DAD1: variants seen among roughly 807,000 people sequenced by gnomAD.
DAD1 encodes the protein dolichyl-diphosphooligosaccharide--protein glycosyltransferase subunit DAD1.
In DAD1, 4 loss-of-function variants were observed where a neutral mutation model predicts 9.0. That is an observed-to-expected ratio of 0.44 (90% CI 0.22 to 1.01). The LOEUF is 1.01. DAD1 is among the 50% of genes least tolerant of loss of function. DAD1 has a pLI of 0.24. For synonymous variants in DAD1, 60 were observed against 62.5 expected, an observed-to-expected ratio of 0.96 and a Z score of 0.19; for missense variants, 119 against 137.3, an observed-to-expected ratio of 0.87 and a Z score of 0.67.
At chr14:22,570,598 G>A (rs1003641696) in intron 2 of DAD1, among the ~76,000 whole-genome samples, 1 of 152,090 alleles carries the variant, frequency 6.6e-6, no homozygotes, top group African/African-American at 2.4e-5. Flanking sequence ...ATAACATCAA[G>A]TTCCCCTTCC....
intron 1 of DAD1, among the ~76,000 whole-genome samples, chr14:22,579,723 A>C (rs1409125614): frequency 6.6e-6 from 1 of 152,234 alleles, no homozygotes; most frequent in Admixed American, 6.5e-5. Context: ...CAAGGGGATT[A>C]AACTATACAA....
chr14:22,573,453 C>T (rs2037054798), intron 2 of DAD1, among the ~76,000 whole-genome samples: 1 of 152,036 alleles, frequency 6.6e-6, no homozygotes, highest in African/African-American at 2.4e-5. Flanking sequence ...CAAAGTGGTT[C>T]TTAAAAGTTT....
At chr14:22,567,214 TAG>T (rs1339889963) in intron 2 of DAD1, 1 of 152,238 alleles carries the variant, frequency 6.6e-6, no homozygotes, top group Non-Finnish European at 1.5e-5. Context: ...AATGACGCTG[TAG>T]AGATAGAAAA....
chr14:22,586,634 C>G (rs1258952105), intron 1 of DAD1, among the ~76,000 whole-genome samples: 1 of 152,214 alleles, frequency 6.6e-6, no homozygotes, highest in African/African-American at 2.4e-5. Context: ...ATTTCCCTCT[C>G]CCAGCTCACT....
chr14:22,568,336 T>C (rs1460175078), intron 2 of DAD1, among the ~76,000 whole-genome samples: 1 of 152,262 alleles, frequency 6.6e-6, no homozygotes, highest in Non-Finnish European at 1.5e-5. Flanking sequence ...GAAGACATTT[T>C]ACAAATGTTT....
At chr14:22,584,799 G>A (rs1354937108) in intron 1 of DAD1, among the ~76,000 whole-genome samples, 1 of 152,214 alleles carries the variant, frequency 6.6e-6, no homozygotes, top group Non-Finnish European at 1.5e-5. Flanking sequence ...ATTTTACTTT[G>A]GGAAACACAA....
intron 2 of DAD1, among the ~76,000 whole-genome samples, chr14:22,568,550 G>C (rs1028973433): frequency 1.4e-4 from 22 of 152,350 alleles, no homozygotes; most frequent in African/African-American, 4.3e-4. Context: ...GAATCATGCT[G>C]AGAGGCATTA....
chr14:22,572,551 C>T (rs760351634), intron 2 of DAD1, among the ~76,000 whole-genome samples: 4 of 152,120 alleles, frequency 2.6e-5, no homozygotes, highest in Non-Finnish European at 5.9e-5. Context: ...GCTTTGGGCC[C>T]ATAATTCCCA....
intron 2 of DAD1, among the ~76,000 whole-genome samples, chr14:22,565,998 C>T (rs1038781636): frequency 3.9e-5 from 6 of 152,080 alleles, no homozygotes; most frequent in Admixed American, 3.9e-4. Flanking sequence ...CCGGGCTGCC[C>T]CAGGAGGAAA....
chr14:22,587,363 T>G (rs557758365), intron 1 of DAD1, among the ~76,000 whole-genome samples: 2 of 152,206 alleles, frequency 1.3e-5, no homozygotes, highest in African/African-American at 2.4e-5. Flanking sequence ...CAAACAAAAT[T>G]AAATCAAAAG....
At chr14:22,588,598 G>C (rs187723440) in intron 1 of DAD1, among the ~76,000 whole-genome samples, 20 of 152,332 alleles carry the variant, frequency 1.3e-4, no homozygotes, top group African/African-American at 4.8e-4. Context: ...ATGATTCAAG[G>C]TTGGGTTTTT....
At chr14:22,565,932 T>TC (rs2036999475) in intron 2 of DAD1, among the ~76,000 whole-genome samples, 1 of 152,146 alleles carries the variant, frequency 6.6e-6, no homozygotes, top group Non-Finnish European at 1.5e-5. Context: ...AATACTGCAA[T>TC]CTCCTACGTG....
Position 22,588,458 on chromosome 14 carries a change from G to C in DAD1, c.211+489C>G, listed in dbSNP as rs143814966. ...AACAGCTTCCTCAACAAGAAAAAAAGTAGTAGCAGCTAAAAGGCAAAATCA... is the reference window on the plus strand; with the variant it reads ...AACAGCTTCCTCAACAAGAAAAAAACTAGTAGCAGCTAAAAGGCAAAATCA... On this transcript the variant is annotated intron_variant, in intron 1 of 2. Coordinates refer to ENST00000250498, the MANE Select transcript of DAD1 (RefSeq NM_001344.4). 1.4e-3 allele frequency among the ~76,000 whole-genome samples: 219 copies of C among 152,330 alleles called. 3 individuals carry two copies. Among genetic ancestry groups the C allele is most frequent in the African/African-American group, 5.0e-3 (209 of 41,574 alleles).
intron 1 of DAD1, among the ~76,000 whole-genome samples, chr14:22,581,419 C>G (rs2037114590): frequency 6.6e-6 from 1 of 152,230 alleles, no homozygotes; most frequent in Admixed American, 6.5e-5. Flanking sequence ...GCATTCTAGA[C>G]AGTAAGAACA....
At chr14:22,583,717 G>A (rs887801421) in intron 1 of DAD1, among the ~76,000 whole-genome samples, 7 of 152,004 alleles carry the variant, frequency 4.6e-5, no homozygotes, top group African/African-American at 7.3e-5. Flanking sequence ...TTGCAGAAGC[G>A]GAGTCCCTGA....
intron 1 of DAD1, among the ~76,000 whole-genome samples, chr14:22,583,939 A>C (rs2139247017): frequency 6.6e-6 from 1 of 152,254 alleles, no homozygotes; most frequent in Admixed American, 6.5e-5. Context: ...GAAAAGAGGA[A>C]AAATAGAGTG....
At chr14:22,579,988 C>A (rs34494744) in intron 1 of DAD1, among the ~76,000 whole-genome samples, 13,920 of 151,926 alleles carry the variant, frequency 0.092, 1,162 homozygotes, top group African/African-American at 0.22. Context: ...AACAGTCATG[C>A]ACCACCATGC....
chr14:22,567,172 G>T (rs2037006971), intron 2 of DAD1: 1 of 152,208 alleles, frequency 6.6e-6, no homozygotes, highest in African/African-American at 2.4e-5. Flanking sequence ...CATCTAAAAA[G>T]AAAGCAAGGC....
chr14:22,576,298 C>G (rs2037077404), intron 1 of DAD1, among the ~76,000 whole-genome samples: 1 of 152,018 alleles, frequency 6.6e-6, no homozygotes, highest in African/African-American at 2.4e-5. Context: ...AAGAAACACA[C>G]AAAAACCCTC....
Sources: gnomAD v4.1 joint callset for allele counts (sites outside exome capture counted in the v4.1 genomes callset) on GRCh38, gnomAD v4.1.1 for gene constraint, MANE v1.5 for transcripts, NCBI Gene and HGNC (gene_info 2026-07-23, HGNC 2026-07-21) for gene names.